Variants in NCAPD2 observed in about 807,000 individuals in gnomAD.
The protein encoded by NCAPD2 is non-SMC condensin I complex subunit D2.
A neutral mutation model predicts 164.5 loss-of-function variants in NCAPD2; 100 were observed. That is an observed-to-expected ratio of 0.61 (90% CI 0.52 to 0.72). The LOEUF (loss-of-function observed/expected upper bound fraction) is 0.72, where lower values mean the gene tolerates loss of function less well. Among genes scored for constraint, NCAPD2 ranks in the 30% least tolerant of loss-of-function variants. The probability of loss-of-function intolerance (pLI) is 0.00; values close to 1 mark genes in which losing one functional copy is unlikely to be tolerated. For missense variants in NCAPD2, 1,560 were observed against 1,749.2 expected, an observed-to-expected ratio of 0.89 and a Z score of 1.93; for synonymous variants, 585 against 642.6, an observed-to-expected ratio of 0.91 and a Z score of 1.36.
At chr12:6,527,384 G>C (rs1946326957) in intron 22 of NCAPD2, among the ~76,000 whole-genome samples, 1 of 152,206 alleles carries the variant, frequency 6.6e-6, no homozygotes, top group African/African-American at 2.4e-5. Context: ...TTGCTGGCCT[G>C]GCCCCGGATG....
chr12:6,529,237 G>A (rs1477215038), intron 27 of NCAPD2, 198 bp downstream of exon 27: 4 of 618,700 alleles, frequency 6.5e-6, no homozygotes, highest in South Asian at 2.0e-5. Flanking sequence ...TATTAAATAC[G>A]ATAAAGTTCC....
At chr12:6,519,410 G>T (rs1280139868) in intron 13 of NCAPD2, among the ~76,000 whole-genome samples, 2 of 152,090 alleles carry the variant, frequency 1.3e-5, no homozygotes, top group Non-Finnish European at 2.9e-5. Context: ...GTACAGTAGC[G>T]CAATCACAGC....
Position 6,521,558 on chromosome 12 carries a change from C to T in NCAPD2, c.1715-240C>T, listed in dbSNP as rs949320573. Among the ~76,000 whole-genome samples the T allele has an allele frequency of 6.1e-5, 8 of 130,494 alleles. No individual in the cohort carries two copies. The East Asian group carries it at 8.6e-4, about 14-fold the overall frequency. The allele number at this position is 130,494 out of a possible 152,430, so 85.6% of individuals were successfully genotyped here. On this transcript the variant is annotated intron_variant, in intron 14 of 31. Coordinates refer to ENST00000315579, the MANE Select transcript of NCAPD2 (RefSeq NM_014865.4). Reference sequence around the variant, plus strand: ...AAAAAATTAGCCAGGTGCGGTGGCACGCACCTGTAGTCCCAACTGCTCAGG... The same window carrying T: ...AAAAAATTAGCCAGGTGCGGTGGCATGCACCTGTAGTCCCAACTGCTCAGG...
Position 6,531,682 on chromosome 12 carries a change from G to A in NCAPD2, c.*270G>A, listed in dbSNP as rs765681244. 1 of 456,658 alleles carries A rather than the reference G, an allele frequency of 2.2e-6. No homozygotes were observed. Among genetic ancestry groups the A allele is most frequent in the Non-Finnish European group, 3.9e-6 (1 of 259,140 alleles). The allele number at this position is 456,658 out of a possible 1,614,324, so 28.3% of individuals were successfully genotyped here. On this transcript the variant is annotated 3_prime_UTR_variant, in exon 32 of 32. Transcript: ENST00000315579. This position sits in a 1 kb window ranked among gnomAD's most constrained non-coding sequence, Gnocchi z 4.1. ...TAGCCGGGCGTATTGGCGTGCGCCTGTAATCCCAGCTACTCAAGAGGCTGA... is the reference window on the plus strand; with the variant it reads ...TAGCCGGGCGTATTGGCGTGCGCCTATAATCCCAGCTACTCAAGAGGCTGA...
At chr12:6,516,370 C>T (rs1212893515) in intron 9 of NCAPD2, among the ~76,000 whole-genome samples, 8 of 151,904 alleles carry the variant, frequency 5.3e-5, no homozygotes, top group East Asian at 3.9e-4. Flanking sequence ...GGTGTGGTGG[C>T]GGGCACCTGT....
intron 2 of NCAPD2, among the ~76,000 whole-genome samples, chr12:6,505,381 A>G (rs1460859608): frequency 6.6e-6 from 1 of 152,190 alleles, no homozygotes; most frequent in East Asian, 1.9e-4. Flanking sequence ...TATGCAGTTT[A>G]CTGGAGAGAC....
chr12:6,515,412 T>C (rs752351485), intron 9 of NCAPD2, among the ~76,000 whole-genome samples: 2 of 152,140 alleles, frequency 1.3e-5, no homozygotes, highest in Non-Finnish European at 2.9e-5. Flanking sequence ...CTCAAACTCC[T>C]GGTCTCAAGC....
At chr12:6,513,940 T>TGCCTGACCTCGTGATCC (rs1946175652) in intron 6 of NCAPD2, among the ~76,000 whole-genome samples, 1 of 151,858 alleles carries the variant, frequency 6.6e-6, no homozygotes, top group Admixed American at 6.6e-5. Flanking sequence ...TGGTCTTGAA[T>TGCCTGACCTCGTGATCC]GCCTGACCTC....
At chr12:6,503,628 G>GTGT (rs1946060127) in intron 2 of NCAPD2, among the ~76,000 whole-genome samples, 3 of 151,916 alleles carry the variant, frequency 2.0e-5, no homozygotes, top group African/African-American at 7.3e-5. Flanking sequence ...AAAATTAGCC[G>GTGT]GGTGTGGTGA....
Position 6,528,555 on chromosome 12 carries a change from G to A in NCAPD2, c.3300-124G>A, listed in dbSNP as rs1946339150. The A allele has an allele frequency of 7.9e-7, 1 of 1,259,524 alleles. No homozygotes were observed. Among genetic ancestry groups the A allele is most frequent in the South Asian group, 1.4e-5 (1 of 72,126 alleles). 78.0% of individuals were successfully genotyped at this position (1,259,524 alleles called of 1,614,324 possible). A position where few individuals can be genotyped will look rare whatever the true frequency, so the allele number is the denominator to read the frequency against. On this transcript the variant is annotated intron_variant, in intron 25 of 31. Coordinates refer to ENST00000315579, the MANE Select transcript of NCAPD2 (RefSeq NM_014865.4). This position sits in a 1 kb window ranked among gnomAD's most constrained non-coding sequence, Gnocchi z 5.1. ...CCACTCCAGCTTTCAACTCTAGACA[G>A]CTTTCTGACTGCTTCTGGAGTGGCA...
intron 13 of NCAPD2, among the ~76,000 whole-genome samples, chr12:6,518,504 G>GTTTTTTTTTTGTTTTTTTTT (rs1946226760): frequency 4.5e-5 from 2 of 44,774 alleles, no homozygotes; most frequent in Non-Finnish European, 7.8e-5. Context: ...CCGTCAACAA[G>GTTTTTTTTTTGTTTTTTTTT]TTTTTTTTTT....
intron 2 of NCAPD2, among the ~76,000 whole-genome samples, chr12:6,504,427 C>G (rs1467606066): frequency 6.6e-6 from 1 of 151,822 alleles, no homozygotes; most frequent in Non-Finnish European, 1.5e-5. Context: ...GAGTCTTGCT[C>G]TGTGGCCCAG....
intron 2 of NCAPD2, among the ~76,000 whole-genome samples, chr12:6,501,390 G>C (rs931184202): frequency 6.6e-6 from 1 of 151,994 alleles, no homozygotes; most frequent in African/African-American, 2.4e-5. Context: ...GTTTTGCCGT[G>C]TTGTCCAGTC....
At chr12:6,495,268 A>G (rs759795416) in intron 2 of NCAPD2, 43 bp downstream of exon 2, 2 of 1,606,338 alleles carry the variant, frequency 1.2e-6, no homozygotes, top group Non-Finnish European at 1.7e-6. Flanking sequence ...CTTTCAAAGG[A>G]CCATCTCACA....
rs762530247 is a variant in NCAPD2, at chr12:6,514,367, C to T, written c.690C>T (p.Ala230=). The change falls in exon 7 of 32, where the codon GCC becomes GCT. Residue 230 remains alanine (A), a synonymous_variant. Coordinates refer to ENST00000315579, the MANE Select transcript of NCAPD2 (RefSeq NM_014865.4). ...REAITHLLGV[A]LTRYNHMLSA... is the part of the protein sequence containing the mutation. Reference sequence around the variant, plus strand: ...CCATAACACACCTGCTTGGTGTAGCCTTGACCCGTTATAACCATATGCTCA... The same window carrying T: ...CCATAACACACCTGCTTGGTGTAGCTTTGACCCGTTATAACCATATGCTCA... 1.2e-6 allele frequency: 2 copies of T among 1,614,182 alleles called. No homozygotes were observed. The highest frequency in any genetic ancestry group is 1.7e-5 in the Admixed American group (1 of 60,020).
rs145700246 is a variant in NCAPD2, at chr12:6,529,843, G to A, written c.3722G>A (p.Arg1241His). The A allele has an allele frequency of 1.1e-4, 179 of 1,614,262 alleles. No homozygotes were observed. The East Asian group carries it at 2.8e-3, about 25-fold the overall frequency. The change falls in exon 29 of 32, where the codon CGT (arginine) becomes CAT (histidine). Residue 1241 changes from arginine to histidine, a missense_variant. Coordinates refer to ENST00000315579, the MANE Select transcript of NCAPD2 (RefSeq NM_014865.4). ...CTGCCCCTCACAGAGCGAGGCCTCC[G>A]TAAGATGCTTGACAATTTTGACTGT... ...SQLPLTERGL[R>H]KMLDNFDCFG...
At position 6,509,300 on chromosome 12, in the gene NCAPD2, T is replaced by C. The variant is rs570313334; in HGVS notation, c.128-417T>C. Among the ~76,000 whole-genome samples the C allele has an allele frequency of 3.9e-5, 6 of 152,298 alleles. No individual in the cohort carries two copies. The East Asian group carries it at 1.2e-3, about 29-fold the overall frequency. On this transcript the variant is annotated intron_variant, in intron 2 of 31. Coordinates refer to ENST00000315579, the MANE Select transcript of NCAPD2 (RefSeq NM_014865.4). ...AGATGAGACGGAGTTTTGCTCTTGTTGCCCAGGCTGGAGTGCAATGGCACG... is the reference window on the plus strand; with the variant it reads ...AGATGAGACGGAGTTTTGCTCTTGTCGCCCAGGCTGGAGTGCAATGGCACG...
chr12:6,513,715 C>CTTTTTTTTTTTTTTCTTT (rs1946172426), intron 6 of NCAPD2, among the ~76,000 whole-genome samples: 1 of 74,894 alleles, frequency 1.3e-5, no homozygotes, highest in Non-Finnish European at 2.5e-5. Flanking sequence ...GTGACTTTGT[C>CTTTTTTTTTTTTTTCTTT]TTTTTTTTTT....
At chr12:6,509,990 C>G (rs573100970) in intron 3 of NCAPD2, 85 bp from the exon 4 acceptor site, 25 of 1,439,454 alleles carry the variant, frequency 1.7e-5, no homozygotes, top group Non-Finnish European at 2.3e-5. Context: ...TTTAAACATT[C>G]GATTCCACGG....
Sources: allele counts gnomAD v4.1 joint callset (sites outside exome capture counted in the v4.1 genomes callset), GRCh38; gene constraint gnomAD v4.1.1; non-coding constraint Gnocchi (gnomAD v3.1); transcripts MANE v1.5; gene names NCBI Gene and HGNC (gene_info 2026-07-23, HGNC 2026-07-21).